ZNF250: variants seen among roughly 807,000 people sequenced by gnomAD.
ZNF250 encodes the protein zinc finger protein 250, also known as zinc finger protein (clone 647).
A neutral mutation model predicts 37.1 loss-of-function variants in ZNF250; 13 were observed. The observed-to-expected ratio is 0.35, with a 90% CI of 0.23 to 0.56. ZNF250 has a LOEUF of 0.56. Among genes scored for constraint, ZNF250 ranks in the 20% least tolerant of loss-of-function variants. The pLI is 0.87. For synonymous variants in ZNF250, 251 were observed against 265.6 expected (o/e 0.94, Z 0.54); for missense variants, 474 against 697.9 (o/e 0.68, Z 3.61).
intron 1 of ZNF250, among the ~76,000 whole-genome samples, chr8:144,896,520 C>T (rs1337105001): frequency 1.3e-5 from 2 of 152,122 alleles, no homozygotes; most frequent in Non-Finnish European, 2.9e-5. Flanking sequence ...CCATGGACCT[C>T]AACCTAAACC....
Position 144,898,251 on chromosome 8 carries a change from C to T in ZNF250, c.-55+3148G>A, listed in dbSNP as rs189274698. ...GGTGGAGTTTGCAGTGAGCCAAGATCGCGCCATTGCACTCCAGCCTGGGCA... is the reference window on the plus strand; with the variant it reads ...GGTGGAGTTTGCAGTGAGCCAAGATTGCGCCATTGCACTCCAGCCTGGGCA... On this transcript the variant is annotated intron_variant, in intron 1 of 5. Transcript: ENST00000417550. 3.2e-3 allele frequency among the ~76,000 whole-genome samples: 489 copies of T among 152,038 alleles called. 2 individuals are homozygous for T. The highest frequency in any genetic ancestry group is 0.011 in the African/African-American group (468 of 41,464).
At chr8:144,889,817 G>C (rs1832183979) in intron 3 of ZNF250, 116 bp downstream of exon 3, 4 of 1,451,476 alleles carry the variant, frequency 2.8e-6, no homozygotes, top group Non-Finnish European at 3.7e-6. Context: ...TGAGCACCCA[G>C]AGAGGTGATG....
At chr8:144,894,354 T>C (rs1832562556) in intron 1 of ZNF250, among the ~76,000 whole-genome samples, 1 of 152,052 alleles carries the variant, frequency 6.6e-6, no homozygotes, top group African/African-American at 2.4e-5. Flanking sequence ...GTGACTGTCC[T>C]CTGCTCCAAG....
Position 144,894,275 on chromosome 8 carries a change from T to C in ZNF250, c.-54-3872A>G, listed in dbSNP as rs573107385. 7.2e-5 allele frequency among the ~76,000 whole-genome samples: 11 copies of C among 152,104 alleles called. 1 individual carries two copies. Among genetic ancestry groups the C allele is most frequent in the Admixed American group, 7.2e-4 (11 of 15,284 alleles). Reference sequence around the variant, plus strand: ...ACCCCTAGATGTTCGGCAGCTCCCATCTGGGCAGACAGACTCCCAGCACCG... The same window carrying C: ...ACCCCTAGATGTTCGGCAGCTCCCACCTGGGCAGACAGACTCCCAGCACCG... On this transcript the variant is annotated intron_variant, in intron 1 of 5. Coordinates refer to ENST00000417550, the MANE Select transcript of ZNF250 (RefSeq NM_001109689.4).
chr8:144,888,510 T>C (rs1832060673), intron 4 of ZNF250, among the ~76,000 whole-genome samples: 1 of 150,508 alleles, frequency 6.6e-6, no homozygotes, highest in African/African-American at 2.5e-5. Context: ...GGCGTAAGAA[T>C]TGCTTGAACC....
chr8:144,889,928 C>T lies in ZNF250; in HGVS notation c.169+5G>A. On this transcript the variant is annotated splice_donor_5th_base_variant and intron_variant, in intron 3 of 5. Coordinates refer to ENST00000417550, the MANE Select transcript of ZNF250 (RefSeq NM_001109689.4). ...ACATAGACGAGGCCTGCTAAGGTGG[C>T]TTACCCAATGAGACTACATTCCCAT... is the stretch of plus-strand genomic sequence containing the variant. 1 of 1,596,764 alleles carries T rather than the reference C, an allele frequency of 6.3e-7. No individual in the cohort carries two copies. Among genetic ancestry groups the T allele is most frequent in the Non-Finnish European group, 8.6e-7 (1 of 1,168,856 alleles).
intron 4 of ZNF250, among the ~76,000 whole-genome samples, chr8:144,887,374 C>T (rs1438747510): frequency 6.6e-6 from 1 of 151,762 alleles, no homozygotes; most frequent in Non-Finnish European, 1.5e-5. Flanking sequence ...ACTTATCCAT[C>T]CTGAGGAACT....
In ZNF250 at chr8:144,882,915, C is replaced by CT; in HGVS notation, c.347-80dup. The CT allele has an allele frequency of 1.3e-6, 2 of 1,516,202 alleles. No individual in the cohort carries two copies. Among genetic ancestry groups the CT allele is most frequent in the Non-Finnish European group, 8.9e-7 (1 of 1,128,462 alleles). 93.9% of individuals were successfully genotyped at this position (1,516,202 alleles called of 1,614,324 possible). On this transcript the variant is annotated intron_variant, in intron 5 of 5. Coordinates refer to ENST00000417550, the MANE Select transcript of ZNF250 (RefSeq NM_001109689.4). This position sits in a 1 kb window ranked among gnomAD's most constrained non-coding sequence, Gnocchi z 5.5. ...TAGTGCAACCCTGAAACTGGCCTTG[C>CT]TGATGAAGGTGCAAAATCCCTCAAT... is the stretch of plus-strand genomic sequence containing the variant.
chr8:144,898,348 AAAC>A (rs1477079959), intron 1 of ZNF250, among the ~76,000 whole-genome samples: 1 of 152,148 alleles, frequency 6.6e-6, no homozygotes, highest in African/African-American at 2.4e-5. Context: ...AAACAAAACA[AAAC>A]AAAAAAACAA....
rs766585474 is a variant in ZNF250 at position 144,881,513 on chromosome 8, G to T, written c.*2C>A. On this transcript the variant is annotated 3_prime_UTR_variant, in exon 6 of 6. Coordinates refer to ENST00000417550, the MANE Select transcript of ZNF250 (RefSeq NM_001109689.4). ...AGAATGGATTCTTGTGTCAGCCATG[G>T]GTCACAACTTTCTGTGCACTTTCTG... is the stretch of plus-strand genomic sequence containing the variant. 1.9e-6 allele frequency: 3 copies of T among 1,579,542 alleles called. No individual in the cohort carries two copies. In the East Asian group the frequency reaches 6.8e-5, roughly 36 times the overall value.
chr8:144,889,539 G>A, intron 4 of ZNF250, 42 bp downstream of exon 4: 4 of 1,535,248 alleles, frequency 2.6e-6, no homozygotes, highest in Non-Finnish European at 3.6e-6. Flanking sequence ...CTCAGGACCT[G>A]TTTAGCCCTC....
Position 144,890,482 on chromosome 8 carries a change from G to C in ZNF250, c.-54-79C>G. On this transcript the variant is annotated intron_variant, in intron 1 of 5. Transcript: ENST00000417550. This position sits in a 1 kb window ranked among gnomAD's most constrained non-coding sequence, Gnocchi z 5.1. ...TAGGGGGCCCTCAGGGGATCCCTGG[G>C]CCTCATTCAGAGTCACTGAGGGGCA... 1 of 844,080 alleles carries C rather than the reference G, an allele frequency of 1.2e-6. No individual in the cohort carries two copies. Among genetic ancestry groups the C allele is most frequent in the Non-Finnish European group, 1.7e-6 (1 of 583,846 alleles). 52.3% of individuals were successfully genotyped at this position (844,080 alleles called of 1,614,324 possible).
intron 4 of ZNF250, among the ~76,000 whole-genome samples, chr8:144,889,175 T>C (rs1344033948): frequency 1.3e-5 from 2 of 152,398 alleles, no homozygotes; most frequent in African/African-American, 2.4e-5. Flanking sequence ...CTTTCAGCAC[T>C]TCACCTTAAG....
chr8:144,883,303 G>C (rs958556809), intron 5 of ZNF250, among the ~76,000 whole-genome samples: 1 of 152,156 alleles, frequency 6.6e-6, no homozygotes, highest in African/African-American at 2.4e-5. Flanking sequence ...ACATGAGGTA[G>C]GGGTGGTGGT....
chr8:144,881,710 C>T lies in ZNF250; in HGVS notation c.1473G>A (p.Val491=). The change falls in exon 6 of 6, where the codon GTG becomes GTA. Residue 491 remains valine, a synonymous_variant. Coordinates refer to ENST00000417550, the MANE Select transcript of ZNF250 (RefSeq NM_001109689.4). ...KAFSLKATLI[V]HLRTHTGEKP... ...TCTCGCCCGTGTGGGTCCTCAGGTGCACAATCAGAGTTGCTTTCAGGCTGA... is the reference window on the plus strand; with the variant it reads ...TCTCGCCCGTGTGGGTCCTCAGGTGTACAATCAGAGTTGCTTTCAGGCTGA... 2 of 1,614,004 alleles carry T rather than the reference C, an allele frequency of 1.2e-6. No individual in the cohort carries two copies. Among genetic ancestry groups the T allele is most frequent in the Non-Finnish European group, 1.7e-6 (2 of 1,179,970 alleles).
chr8:144,887,012 C>A lies in ZNF250; in HGVS notation c.284-110G>T, dbSNP rs1831932561. 1.6e-5 allele frequency: 14 copies of A among 888,954 alleles called. No individual in the cohort carries two copies. In the South Asian group the frequency reaches 1.9e-4, roughly 12 times the overall value. The allele number at this position is 888,954 out of a possible 1,614,324, so 55.1% of individuals were successfully genotyped here. ...CTGTAATCCCAGCACTTTGGGAGGC[C>A]AAGGTGAGTGGATCACTTGAGGTCA... is the stretch of plus-strand genomic sequence containing the variant. On this transcript the variant is annotated intron_variant, in intron 4 of 5. Transcript: ENST00000417550.
At chr8:144,885,592 TGG>T (rs1831817447) in intron 5 of ZNF250, among the ~76,000 whole-genome samples, 1 of 152,196 alleles carries the variant, frequency 6.6e-6, no homozygotes. Context: ...AGCCTCCATG[TGG>T]CTGGGATTAC....
rs1264315760 is a variant in ZNF250, at chr8:144,878,728, C to T, written c.*2787G>A. 2.0e-5 allele frequency: 3 copies of T among 152,310 alleles called. No individual in the cohort carries two copies. The highest frequency in any genetic ancestry group is 4.1e-4 in the South Asian group (2 of 4,832). 9.4% of individuals were successfully genotyped at this position (152,310 alleles called of 1,614,324 possible). ...TGACCTCCATTCTTCTAGAGTTTCA[C>T]ATTAGTGATTTCAACTTCTCTGAAG... On this transcript the variant is annotated 3_prime_UTR_variant, in exon 6 of 6. Coordinates refer to ENST00000417550, the MANE Select transcript of ZNF250 (RefSeq NM_001109689.4).
chr8:144,900,065 G>A (rs1832996913), intron 1 of ZNF250, among the ~76,000 whole-genome samples: 1 of 152,090 alleles, frequency 6.6e-6, no homozygotes, highest in African/African-American at 2.4e-5. Context: ...CAACATACAT[G>A]GAAAAAAATA....
Sources: gnomAD v4.1 joint callset for allele counts (sites outside exome capture counted in the v4.1 genomes callset) on GRCh38, gnomAD v4.1.1 for gene constraint, Gnocchi (gnomAD v3.1) non-coding constraint, MANE v1.5 for transcripts, NCBI Gene and HGNC (gene_info 2026-07-23, HGNC 2026-07-21) for gene names.